Variants in CUX1 observed in about 807,000 individuals in gnomAD.
CUX1 encodes the protein protein CASP.
Under a neutral mutation model 158.8 loss-of-function variants are expected in CUX1, and 31 were observed. The ratio of observed to expected loss-of-function variants is 0.20; its 90% CI spans 0.15 to 0.26. CUX1 has a LOEUF of 0.26. CUX1 is among the 10% of genes least tolerant of loss of function. The probability of loss-of-function intolerance (pLI) is 1.00; values close to 1 mark genes in which losing one functional copy is unlikely to be tolerated. For synonymous variants in CUX1, 879 were observed against 862.1 expected, an observed-to-expected ratio of 1.02 and a Z score of -0.34; for missense variants, 1,589 against 2,014.6, an observed-to-expected ratio of 0.79 and a Z score of 4.04.
chr7:101,980,667 G>A (rs972271958), intron 2 of CUX1, among the ~76,000 whole-genome samples: 3 of 152,110 alleles, frequency 2.0e-5, no homozygotes, highest in Admixed American at 6.5e-5. Context: ...GGGAGAGTGC[G>A]GTGACATAAA....
chr7:102,152,074 G>A (rs1230491890), intron 8 of CUX1, among the ~76,000 whole-genome samples: 1 of 152,080 alleles, frequency 6.6e-6, no homozygotes, highest in African/African-American at 2.4e-5. Flanking sequence ...GCTAGGTGTG[G>A]CAGTGCATAC....
rs575802150 is a variant in CUX1, at chr7:101,894,582, G to C, written c.31-21533G>C. Among the ~76,000 whole-genome samples the C allele has an allele frequency of 6.6e-5, 10 of 152,346 alleles. No homozygotes were observed. In the South Asian group the frequency reaches 2.1e-3, roughly 32 times the overall value. ...CCGCCTCGGCCTCCCAAAGTGCTGG[G>C]ATTACAGGCGTGAGCCCCTGCGCCC... On this transcript the variant is annotated intron_variant, in intron 1 of 23. Transcript: ENST00000292535.
intron 2 of CUX1, among the ~76,000 whole-genome samples, chr7:102,024,678 T>TC (rs1399482905): frequency 6.6e-6 from 1 of 152,048 alleles, no homozygotes; most frequent in Non-Finnish European, 1.5e-5. Flanking sequence ...GTCTTTTGAG[T>TC]CCCCACTGTG....
At chr7:102,282,860 TC>T in intron 22 of CUX1, 1 of 808,864 alleles carries the variant, frequency 1.2e-6, no homozygotes, top group South Asian at 1.5e-5. Flanking sequence ...CTGCCTCATG[TC>T]CCCCACTCCT....
chr7:101,977,537 G>A (rs1402563143), intron 2 of CUX1, among the ~76,000 whole-genome samples: 4 of 152,164 alleles, frequency 2.6e-5, no homozygotes, highest in African/African-American at 9.7e-5. Flanking sequence ...AGCTATTTGG[G>A]AGGGTGATGC....
In CUX1 at chr7:102,253,171, A is replaced by T; in HGVS notation, c.*4129A>T. The T allele has an allele frequency of 1.0e-6, 1 of 985,422 alleles. No homozygotes were observed. Among genetic ancestry groups the T allele is most frequent in the Non-Finnish European group, 1.2e-6 (1 of 829,948 alleles). 61.0% of individuals were successfully genotyped at this position (985,422 alleles called of 1,614,324 possible). Reference sequence around the variant, plus strand: ...TGAAAAACCATCCTGTCTGATGTGGACGTTCAGGTCTGCTGGTTGGCGGTC... The same window carrying T: ...TGAAAAACCATCCTGTCTGATGTGGTCGTTCAGGTCTGCTGGTTGGCGGTC... On this transcript the variant is annotated 3_prime_UTR_variant, in exon 24 of 24. Coordinates refer to ENST00000292535, the MANE Select transcript of CUX1 (RefSeq NM_181552.4).
chr7:101,996,120 AAAAG>A (rs1265139632), intron 2 of CUX1, among the ~76,000 whole-genome samples: 8 of 152,102 alleles, frequency 5.3e-5, no homozygotes, highest in Non-Finnish European at 8.8e-5. Flanking sequence ...CCAAAAAAAA[AAAAG>A]AGAGAGAGAT....
At chr7:102,234,517 C>T (rs1799327776) in intron 22 of CUX1, among the ~76,000 whole-genome samples, 1 of 152,168 alleles carries the variant, frequency 6.6e-6, no homozygotes, top group South Asian at 2.1e-4. Flanking sequence ...GGGGGCGCTG[C>T]ATTTGGTTTT....
intron 8 of CUX1, among the ~76,000 whole-genome samples, chr7:102,140,438 G>T (rs1554499865): frequency 1.3e-5 from 2 of 152,018 alleles, no homozygotes; most frequent in Admixed American, 1.3e-4. Context: ...TAGAGACGGG[G>T]TTTCACCATG....
intron 21 of CUX1, among the ~76,000 whole-genome samples, chr7:102,230,442 A>G (rs1229152231): frequency 1.3e-5 from 2 of 151,082 alleles, no homozygotes; most frequent in African/African-American, 4.9e-5. Context: ...CCACGGTGGC[A>G]TCACTGCACT....
intron 2 of CUX1, among the ~76,000 whole-genome samples, chr7:101,948,635 G>C (rs1430309874): frequency 2.0e-5 from 3 of 152,154 alleles, no homozygotes; most frequent in Non-Finnish European, 4.4e-5. Flanking sequence ...TGTTGTAAGA[G>C]CCAAATTAGC....
At chr7:102,013,117 C>T (rs1409892063) in intron 2 of CUX1, among the ~76,000 whole-genome samples, 2 of 148,186 alleles carry the variant, frequency 1.3e-5, no homozygotes, top group African/African-American at 2.5e-5. Context: ...GCCATTCTGC[C>T]GTCATACCAA....
chr7:102,103,922 C>T (rs542320271), intron 5 of CUX1, among the ~76,000 whole-genome samples: 2 of 152,218 alleles, frequency 1.3e-5, no homozygotes, highest in South Asian at 2.1e-4. Context: ...AAAATGCACA[C>T]ACTATTATGA....
At chr7:101,957,926 C>T (rs1809969194) in intron 2 of CUX1, among the ~76,000 whole-genome samples, 1 of 152,072 alleles carries the variant, frequency 6.6e-6, no homozygotes, top group Non-Finnish European at 1.5e-5. Context: ...CCCCAGCTGC[C>T]GTTTACTCAC....
At chr7:102,282,070 C>T (rs1563535817) in intron 21 of CUX1, 1 of 669,510 alleles carries the variant, frequency 1.5e-6, no homozygotes, top group South Asian at 1.6e-5. Flanking sequence ...CTTCGAGAGC[C>T]TTGGCCCACC....
chr7:101,992,775 GC>G (rs917429991), intron 2 of CUX1, among the ~76,000 whole-genome samples: 24 of 151,308 alleles, frequency 1.6e-4, no homozygotes, highest in Non-Finnish European at 3.2e-4. Flanking sequence ...TTTGATTTCC[GC>G]CCCCGCCGCC....
chr7:102,170,610 C>A, intron 10 of CUX1, 60 bp downstream of exon 10: 3 of 1,134,000 alleles, frequency 2.6e-6, no homozygotes, highest in Non-Finnish European at 3.8e-6. Context: ...CTTCGAGTTA[C>A]AGCCGCTTGC....
rs1789720021 is a variant in CUX1 at position 102,254,870 on chromosome 7, A to G, written c.*5828A>G. On this transcript the variant is annotated 3_prime_UTR_variant, in exon 24 of 24. Coordinates refer to ENST00000292535, the MANE Select transcript of CUX1 (RefSeq NM_181552.4). ...GGTCCAATTTGATGATCTTATTTCT[A>G]TTTCGATCAGGTTTTGACTTTTTGT... 1.2e-5 allele frequency: 12 copies of G among 985,400 alleles called. No homozygotes were observed. Among genetic ancestry groups the G allele is most frequent in the Non-Finnish European group, 1.4e-5 (12 of 829,936 alleles). The allele number at this position is 985,400 out of a possible 1,614,324, so 61.0% of individuals were successfully genotyped here. A position where few individuals can be genotyped will look rare whatever the true frequency, so the allele number is the denominator to read the frequency against.
chr7:101,974,541 A>C (rs778510459), intron 2 of CUX1, among the ~76,000 whole-genome samples: 1 of 152,244 alleles, frequency 6.6e-6, no homozygotes, highest in African/African-American at 2.4e-5. Flanking sequence ...ATCACAGGCT[A>C]TGAGATGAAA....
Sources: allele counts gnomAD v4.1 joint callset (sites outside exome capture counted in the v4.1 genomes callset), GRCh38; gene constraint gnomAD v4.1.1; transcripts MANE v1.5; gene names NCBI Gene and HGNC (gene_info 2026-07-23, HGNC 2026-07-21).